Variants in GP2 observed in about 807,000 individuals in gnomAD.
The protein encoded by GP2 is glycoprotein 2.
In GP2, 58 loss-of-function variants were observed where a neutral mutation model predicts 60.8. That is an observed-to-expected ratio of 0.95 (90% confidence interval 0.77 to 1.19). The LOEUF (loss-of-function observed/expected upper bound fraction) is 1.19. GP2 is among the 50% of genes most tolerant of loss of function. The pLI, the probability that GP2 is intolerant of heterozygous loss-of-function variation, is 0.00. For missense variants in GP2, 647 were observed against 667.4 expected (o/e 0.97, Z 0.34); for synonymous variants, 280 against 253.4 (o/e 1.10, Z -1.00).
At chr16:20,318,631 G>C (rs775736930) in intron 6 of GP2, among the ~76,000 whole-genome samples, 1 of 152,230 alleles carries the variant, frequency 6.6e-6, no homozygotes, top group African/African-American at 2.4e-5. Flanking sequence ...GATTTCCACC[G>C]ATCCTCCCTG....
chr16:20,325,960 T>C (rs1964519710), intron 2 of GP2, among the ~76,000 whole-genome samples: 1 of 152,196 alleles, frequency 6.6e-6, no homozygotes. Flanking sequence ...AGTATCTGAA[T>C]TGCCCACTTC....
At chr16:20,319,911 C>CCA in intron 5 of GP2, 143 bp from the exon 6 acceptor site, 1 of 705,796 alleles carries the variant, frequency 1.4e-6, no homozygotes, top group Non-Finnish European at 2.5e-6. Context: ...CAAGGGACCT[C>CCA]TTCCTTCAGT....
chr16:20,323,958 G>A lies in GP2; in HGVS notation c.393C>T (p.Gly131=). The A allele has an allele frequency of 2.5e-6, 4 of 1,614,134 alleles. No individual in the cohort carries two copies. The highest frequency in any genetic ancestry group is 3.4e-6 in the Non-Finnish European group (4 of 1,179,960). The change falls in exon 3 of 11, where the codon GGC becomes GGT. Residue 131 remains glycine, a synonymous_variant. Transcript: ENST00000302555. ...LNGTHPALGD[G]ITNHTACAHW... ...GGGCACAGGCAGTGTGGTTGGTGAT[G>A]CCATCCCCAAGGGCAGGGTGGGTCC...
At chr16:20,320,042 C>A (rs879822375) in intron 5 of GP2, among the ~76,000 whole-genome samples, 6 of 152,188 alleles carry the variant, frequency 3.9e-5, no homozygotes, top group Non-Finnish European at 8.8e-5. Context: ...ATCCCTCCCC[C>A]ACCATCCCTA....
Position 20,323,376 on chromosome 16 carries a change from C to T in GP2, c.536-397G>A, listed in dbSNP as rs751830060. On this transcript the variant is annotated intron_variant, in intron 3 of 10. Transcript: ENST00000302555. Reference sequence around the variant, plus strand: ...CCCTAACTGGGGTAATTAGGTAGCACTTACCTCGTGGAACTGGGGAGAGGA... The same window carrying T: ...CCCTAACTGGGGTAATTAGGTAGCATTTACCTCGTGGAACTGGGGAGAGGA... 1.8e-5 allele frequency: 13 copies of T among 718,436 alleles called. 1 individual carries two copies. The South Asian group carries it at 1.9e-4, about 11-fold the overall frequency. 44.5% of individuals were successfully genotyped at this position (718,436 alleles called of 1,614,324 possible). A position where few individuals can be genotyped will look rare whatever the true frequency, so the allele number is the denominator to read the frequency against.
chr16:20,318,391 A>G lies in GP2; in HGVS notation c.1047T>C (p.Ile349=). ...GGTCTTGGAAGAGGGCCATCCTGACAATGAACTCTCCATTCCCGTCCACAC... is the reference window on the plus strand; with the variant it reads ...GGTCTTGGAAGAGGGCCATCCTGACGATGAACTCTCCATTCCCGTCCACAC... The part of the protein sequence containing the change: ...NVSVDGNGEF[I]VRMALFQDQN... Residue 349 remains isoleucine, a synonymous_variant, in exon 7 of 11, where the codon ATT becomes ATC. Transcript: ENST00000302555. 1 of 1,613,288 alleles carries G rather than the reference A, an allele frequency of 6.2e-7. No individual in the cohort carries two copies. Among genetic ancestry groups the G allele is most frequent in the Non-Finnish European group, 8.5e-7 (1 of 1,179,204 alleles).
chr16:20,312,937 A>G (rs911420923), intron 10 of GP2, among the ~76,000 whole-genome samples: 30 of 152,146 alleles, frequency 2.0e-4, no homozygotes, highest in Non-Finnish European at 1.5e-4. Context: ...AGCATGAGCC[A>G]CCGCACCTGG....
intron 2 of GP2, 139 bp downstream of exon 2, chr16:20,326,199 T>C: frequency 1.5e-6 from 1 of 653,344 alleles, no homozygotes; most frequent in African/African-American, 1.8e-5. Flanking sequence ...TCATTATGTT[T>C]CCCTTGACTT....
rs999375501 is a variant in GP2 at position 20,310,374 on chromosome 16, T to G, written c.*849A>C. 14 of 152,162 alleles carry G rather than the reference T, an allele frequency of 9.2e-5. No individual in the cohort carries two copies. Among genetic ancestry groups the G allele is most frequent in the African/African-American group, 3.4e-4 (14 of 41,430 alleles). 9.4% of individuals were successfully genotyped at this position (152,162 alleles called of 1,614,324 possible). On this transcript the variant is annotated 3_prime_UTR_variant, in exon 11 of 11. Coordinates refer to ENST00000302555, the MANE Select transcript of GP2 (RefSeq NM_001502.4). The stretch of plus-strand genomic sequence containing the variant: ...AGCATGTCTGTGGTATGGTGGGGGA[T>G]AGGGGAGCTATGGGGACTAGTTCTT...
intron 2 of GP2, among the ~76,000 whole-genome samples, chr16:20,325,775 G>T (rs1206530350): frequency 6.6e-6 from 1 of 152,162 alleles, no homozygotes; most frequent in African/African-American, 2.4e-5. Context: ...CAGAAAAAAA[G>T]ATTTTCAAAC....
rs748214515 is a variant in GP2, at chr16:20,315,974, C to T, written c.1483G>A (p.Gly495Arg). ...AIDLARVLDL[G>R]PITRRGAQSP... ...CACTTACCTCTCCGAGTGATGGGCC[C>T]CAAATCTAGAACCCGGGCTAGGTCG... The change falls in exon 9 of 11, where the codon GGG becomes AGG. Residue 495 changes from glycine to arginine, a missense_variant. Physicochemically the swap from Gly to Arg is moderately radical, Grantham distance 125. Transcript: ENST00000302555. 1.9e-6 allele frequency: 3 copies of T among 1,612,466 alleles called. No individual in the cohort carries two copies. The South Asian group carries it at 3.3e-5, about 18-fold the overall frequency.
At chr16:20,327,042 G>A (rs1964554710) in intron 1 of GP2, 1 of 163,892 alleles carries the variant, frequency 6.1e-6, no homozygotes, top group Non-Finnish European at 1.3e-5. Flanking sequence ...TTACTTTTCT[G>A]GGAAATACTT....
chr16:20,322,886 T>C lies in GP2; in HGVS notation c.629A>G (p.Gln210Arg), dbSNP rs949223810. 3 of 1,600,398 alleles carry C rather than the reference T, an allele frequency of 1.9e-6. No individual in the cohort carries two copies. The African/African-American group carries it at 4.0e-5, about 21-fold the overall frequency. ...CAGCTCACCAGAACTATTGAGGTCC[T>C]GTCTGCAGAAACAGCCCCAGGTGCT... ...LNSTWGCFCR[Q>R]DLNSSDVHSL... Residue 210 changes from glutamine to arginine, a missense_variant, in exon 4 of 11, where the codon CAG becomes CGG. Physicochemically the swap from Gln to Arg is conservative, Grantham distance 43 (BLOSUM62 1). Transcript: ENST00000302555.
intron 2 of GP2, among the ~76,000 whole-genome samples, chr16:20,325,351 T>C (rs929130775): frequency 1.3e-5 from 2 of 152,222 alleles, no homozygotes; most frequent in Admixed American, 6.5e-5. Flanking sequence ...GATTATCTTT[T>C]AAGAATTAGT....
At chr16:20,326,543 C>A in intron 1 of GP2, 76 bp from the exon 2 acceptor site, 1 of 1,160,486 alleles carries the variant, frequency 8.6e-7, no homozygotes, top group Non-Finnish European at 1.2e-6. Context: ...TGACTTCCTT[C>A]ATAAAGAGCT....
At chr16:20,318,048 C>T (rs915905826) in intron 7 of GP2, 137 bp downstream of exon 7, 43 of 719,316 alleles carry the variant, frequency 6.0e-5, no homozygotes, top group Admixed American at 2.6e-4. Context: ...GCTAAAATCT[C>T]AGGAGTGATA....
At chr16:20,315,401 A>G (rs1260822106) in intron 9 of GP2, among the ~76,000 whole-genome samples, 1 of 152,228 alleles carries the variant, frequency 6.6e-6, no homozygotes, top group African/African-American at 2.4e-5. Context: ...CATGAGTAGG[A>G]TGGATGAAAA....
rs1376863520 is a variant in GP2 at position 20,320,262 on chromosome 16, C to T, written c.858G>A (p.Glu286=). 6.2e-7 allele frequency: 1 copy of T among 1,608,864 alleles called. No individual in the cohort carries two copies. The change falls in exon 5 of 11, where the codon GAG becomes GAA. Residue 286 remains glutamate, a splice_region_variant and synonymous_variant. Coordinates refer to ENST00000302555, the MANE Select transcript of GP2 (RefSeq NM_001502.4). Reference sequence around the variant, plus strand: ...CAGCAGTGGTGTGAAAGCCACTTACCTCCAGAATGTTCCTGCAGGCACTAG... The same window carrying T: ...CAGCAGTGGTGTGAAAGCCACTTACTTCCAGAATGTTCCTGCAGGCACTAG... The part of the protein sequence containing the change: ...VQASACRNIL[E]RNQTHAIYKN...
At chr16:20,313,261 G>GTCTC (rs60247069) in intron 10 of GP2, among the ~76,000 whole-genome samples, 53 of 149,638 alleles carry the variant, frequency 3.5e-4, no homozygotes, top group Middle Eastern at 3.5e-3. Flanking sequence ...CTGTCTCTCT[G>GTCTC]TCTCTCTCTC....
Sources: gnomAD v4.1 joint callset for allele counts (sites outside exome capture counted in the v4.1 genomes callset) on GRCh38, gnomAD v4.1.1 for gene constraint, MANE v1.5 for transcripts, NCBI Gene and HGNC (gene_info 2026-07-23, HGNC 2026-07-21) for gene names.